Variants in MAP7 observed in about 807,000 individuals in gnomAD.
MAP7 encodes the protein microtubule associated protein 7.
In MAP7, 52 loss-of-function variants were observed where a neutral mutation model predicts 94.8. That is an observed-to-expected ratio of 0.55 (90% CI 0.44 to 0.69). MAP7 has a LOEUF of 0.69. MAP7 is among the 30% of genes least tolerant of loss of function. The probability of loss-of-function intolerance (pLI) is 0.00; values close to 1 mark genes in which losing one functional copy is unlikely to be tolerated. For missense variants in MAP7, 940 were observed against 964.6 expected, an observed-to-expected ratio of 0.97 and a Z score of 0.34; for synonymous variants, 350 against 357.0, an observed-to-expected ratio of 0.98 and a Z score of 0.22.
rs771375815 is a variant in MAP7, at chr6:136,359,814, A to G, written c.1912+6T>C. The G allele has an allele frequency of 1.2e-6, 2 of 1,611,646 alleles. No homozygotes were observed. The highest frequency in any genetic ancestry group is 2.2e-5 in the South Asian group (2 of 90,610). The stretch of plus-strand genomic sequence containing the variant: ...TAAATTGGTTTGAGTTCATTGACAG[A>G]AATACCTGTTCCTCCAGTGAGAGCT... On this transcript the variant is annotated splice_donor_region_variant and intron_variant, in intron 15 of 17. Coordinates refer to ENST00000354570, the MANE Select transcript of MAP7 (RefSeq NM_003980.6).
At chr6:136,431,261 A>G (rs887627846) in intron 1 of MAP7, among the ~76,000 whole-genome samples, 5 of 152,172 alleles carry the variant, frequency 3.3e-5, no homozygotes, top group African/African-American at 9.7e-5. Context: ...ATTTCATTCT[A>G]TCTTGTATCA....
At chr6:136,351,848 G>A (rs369304924) in intron 16 of MAP7, among the ~76,000 whole-genome samples, 12 of 152,204 alleles carry the variant, frequency 7.9e-5, no homozygotes, top group Admixed American at 2.0e-4. Flanking sequence ...CTTTCTGGTC[G>A]GTGTGTGCTT....
At chr6:136,365,649 A>C in intron 10 of MAP7, 86 bp downstream of exon 10, 1 of 1,429,092 alleles carries the variant, frequency 7.0e-7, no homozygotes, top group Non-Finnish European at 9.4e-7. Flanking sequence ...CCAATAAAAG[A>C]AGAAAAGGAA....
At chr6:136,360,653 G>A (rs766444317) in intron 13 of MAP7, 44 bp downstream of exon 13, 5 of 1,563,058 alleles carry the variant, frequency 3.2e-6, no homozygotes, top group Non-Finnish European at 4.4e-6. Context: ...GGGTCTTAGA[G>A]GTGCAAGTTC....
chr6:136,373,904 A>C (rs541227064), intron 7 of MAP7, among the ~76,000 whole-genome samples: 3 of 152,312 alleles, frequency 2.0e-5, no homozygotes, highest in African/African-American at 7.2e-5. Flanking sequence ...ATCAGATTGC[A>C]TCTTTATTAA....
chr6:136,497,023 C>T (rs1214146647), intron 1 of MAP7, among the ~76,000 whole-genome samples: 4 of 151,940 alleles, frequency 2.6e-5, no homozygotes, highest in African/African-American at 9.7e-5. Context: ...TAAAGTACTG[C>T]TTTCTGTGCC....
chr6:136,535,911 G>C (rs1340705012), intron 1 of MAP7, among the ~76,000 whole-genome samples: 3 of 144,220 alleles, frequency 2.1e-5, no homozygotes, highest in South Asian at 2.4e-4. Flanking sequence ...CCCACCCCAC[G>C]ACAGGCCCCA....
chr6:136,394,084 A>G (rs992055854), intron 3 of MAP7, among the ~76,000 whole-genome samples: 15 of 151,042 alleles, frequency 9.9e-5, no homozygotes, highest in African/African-American at 3.2e-4. Flanking sequence ...CCCAGGTTCA[A>G]ACGATTCTCC....
At chr6:136,540,730 T>A (rs749861695) in intron 1 of MAP7, among the ~76,000 whole-genome samples, 47 of 152,104 alleles carry the variant, frequency 3.1e-4, no homozygotes, top group Admixed American at 5.2e-4. Context: ...TAGGAAATGG[T>A]TCTGAATCAT....
rs150254643 is a variant in MAP7 at position 136,447,930 on chromosome 6, G to A, written c.68-26131C>T. 5.7e-3 allele frequency among the ~76,000 whole-genome samples: 872 copies of A among 152,296 alleles called. 16 individuals carry two copies. The highest frequency in any genetic ancestry group is 0.019 in the African/African-American group (810 of 41,566). The stretch of plus-strand genomic sequence containing the variant: ...ATGAAGGCTGGGCCCAGTGGCTCAC[G>A]CCTGTAATCCCAGCACTTTGGGAGG... On this transcript the variant is annotated intron_variant, in intron 1 of 17. Transcript: ENST00000354570.
chr6:136,550,385 G>T lies in MAP7; in HGVS notation c.24C>A (p.Gly8=). The T allele has an allele frequency of 6.5e-7, 1 of 1,529,032 alleles. No homozygotes were observed. 94.7% of individuals were successfully genotyped at this position (1,529,032 alleles called of 1,614,324 possible). ...CGCCGTCGCCGCCCCTGTGGCCGTC[G>T]CCGCCAGCTCCTAGCTCCGCCATGG... is the stretch of plus-strand genomic sequence containing the variant. MAELGAG[G]DGHRGGDGAV... Residue 8 remains glycine, a synonymous_variant, in exon 1 of 18, where the codon GGC becomes GGA. Coordinates refer to ENST00000354570, the MANE Select transcript of MAP7 (RefSeq NM_003980.6). This position sits in a 1 kb window ranked among gnomAD's most constrained non-coding sequence, Gnocchi z 5.1.
chr6:136,485,586 G>A (rs909998184), intron 1 of MAP7, among the ~76,000 whole-genome samples: 1 of 109,192 alleles, frequency 9.2e-6, no homozygotes, highest in Admixed American at 1.1e-4. Context: ...TTTTTGAGAC[G>A]GAGTCTCGCT....
At chr6:136,383,444 G>A (rs1054748182) in intron 6 of MAP7, among the ~76,000 whole-genome samples, 1 of 152,184 alleles carries the variant, frequency 6.6e-6, no homozygotes, top group Non-Finnish European at 1.5e-5. Context: ...CACCGCTTTC[G>A]TCACTGCTAA....
chr6:136,379,402 AC>A (rs1777113364), intron 6 of MAP7, among the ~76,000 whole-genome samples: 1 of 152,172 alleles, frequency 6.6e-6, no homozygotes, highest in Non-Finnish European at 1.5e-5. Context: ...ATATTATCTG[AC>A]ATTAAGATTA....
chr6:136,409,371 A>G (rs1786630621), intron 3 of MAP7, among the ~76,000 whole-genome samples: 1 of 152,170 alleles, frequency 6.6e-6, no homozygotes, highest in Non-Finnish European at 1.5e-5. Context: ...CAGCCTGGGC[A>G]ACATAACAAG....
intron 1 of MAP7, among the ~76,000 whole-genome samples, chr6:136,436,240 C>T (rs1179268272): frequency 6.6e-6 from 1 of 152,114 alleles, no homozygotes; most frequent in East Asian, 1.9e-4. Context: ...TCAATTAATA[C>T]TTTTGGATAA....
intron 1 of MAP7, among the ~76,000 whole-genome samples, chr6:136,443,127 C>T (rs1230669925): frequency 2.6e-5 from 4 of 152,076 alleles, no homozygotes; most frequent in Non-Finnish European, 4.4e-5. Context: ...AGGGGGATGT[C>T]TAATAACTGT....
chr6:136,419,278 A>T (rs1278901106), intron 2 of MAP7, among the ~76,000 whole-genome samples: 1 of 152,240 alleles, frequency 6.6e-6, no homozygotes, highest in East Asian at 1.9e-4. Context: ...AGTTATCAGG[A>T]TATAAAAGTA....
intron 7 of MAP7, among the ~76,000 whole-genome samples, chr6:136,373,919 C>T (rs865941154): frequency 6.6e-6 from 1 of 152,188 alleles, no homozygotes. Context: ...TATTAATGCA[C>T]TCTTTCATTA....
Sources: gnomAD v4.1 joint callset for allele counts (sites outside exome capture counted in the v4.1 genomes callset) on GRCh38, gnomAD v4.1.1 for gene constraint, Gnocchi (gnomAD v3.1) non-coding constraint, MANE v1.5 for transcripts, NCBI Gene and HGNC (gene_info 2026-07-23, HGNC 2026-07-21) for gene names.